Variants in CDH13 observed in about 807,000 individuals in gnomAD.
CDH13 encodes cadherin-13.
In CDH13, 24 loss-of-function variants were observed where a neutral mutation model predicts 63.8. The observed-to-expected ratio is 0.38, with a 90% CI of 0.27 to 0.53. CDH13 has a LOEUF of 0.53. CDH13 is among the 20% of genes least tolerant of loss of function. CDH13 has a pLI of 0.85. For missense variants in CDH13, 1,049 were observed against 903.1 expected, an observed-to-expected ratio of 1.16 and a Z score of -2.07; for synonymous variants, 503 against 355.3, an observed-to-expected ratio of 1.42 and a Z score of -4.67.
At chr16:83,384,629 C>A (rs1005628027) in intron 6 of CDH13, among the ~76,000 whole-genome samples, 14 of 152,160 alleles carry the variant, frequency 9.2e-5, no homozygotes, top group Admixed American at 6.5e-5. Flanking sequence ...CTGGCACTTG[C>A]ATGTGGGTCA....
chr16:83,003,026 A>C (rs1267446175), intron 2 of CDH13, among the ~76,000 whole-genome samples: 1 of 152,228 alleles, frequency 6.6e-6, no homozygotes, highest in East Asian at 1.9e-4. Flanking sequence ...GAAAACACTG[A>C]ATACTGGTCC....
intron 5 of CDH13, among the ~76,000 whole-genome samples, chr16:83,276,615 A>C (rs572944409): frequency 3.3e-5 from 5 of 152,272 alleles, no homozygotes; most frequent in Admixed American, 3.3e-4. Context: ...TCGCGCCTGT[A>C]ATCCCAGCAC....
intron 4 of CDH13, among the ~76,000 whole-genome samples, chr16:83,179,612 A>G (rs1420471613): frequency 6.6e-6 from 1 of 151,644 alleles, no homozygotes; most frequent in Non-Finnish European, 1.5e-5. Flanking sequence ...AGATCACGCC[A>G]CGGCACTCCA....
In CDH13 at chr16:82,937,924, C is replaced by T. The variant is rs576143252; in HGVS notation, c.157+79451C>T. 9.9e-5 allele frequency among the ~76,000 whole-genome samples: 15 copies of T among 152,194 alleles called. 1 individual carries two copies. In the East Asian group the frequency reaches 2.9e-3, roughly 29 times the overall value. The stretch of plus-strand genomic sequence containing the variant: ...TTTAAAGACGTATAATATAAAAGGA[C>T]AGTAATTGGATATAGTTATTCAAAT... On this transcript the variant is annotated intron_variant, in intron 2 of 13. Transcript: ENST00000567109.
At chr16:83,251,493 G>A (rs1406861541) in intron 5 of CDH13, among the ~76,000 whole-genome samples, 1 of 152,156 alleles carries the variant, frequency 6.6e-6, no homozygotes, top group Non-Finnish European at 1.5e-5. Context: ...TGTCTCCAAA[G>A]CTGAGATTCC....
chr16:83,769,541 G>A (rs1314723435), intron 11 of CDH13, among the ~76,000 whole-genome samples: 2 of 152,170 alleles, frequency 1.3e-5, no homozygotes, highest in Non-Finnish European at 2.9e-5. Flanking sequence ...ATGTTTATAA[G>A]GTTAAAGGGG....
At chr16:83,345,322 A>G (rs1450306715) in intron 6 of CDH13, among the ~76,000 whole-genome samples, 1 of 152,202 alleles carries the variant, frequency 6.6e-6, no homozygotes, top group African/African-American at 2.4e-5. Context: ...GTCCAAGGCT[A>G]AACTTTGTGC....
intron 10 of CDH13, among the ~76,000 whole-genome samples, chr16:83,734,221 G>T (rs367861543): frequency 1.3e-4 from 20 of 152,174 alleles, no homozygotes; most frequent in African/African-American, 4.3e-4. Context: ...ATATGTATTT[G>T]GTTAAGATGT....
At chr16:83,146,054 A>G (rs554318253) in intron 4 of CDH13, among the ~76,000 whole-genome samples, 1 of 152,164 alleles carries the variant, frequency 6.6e-6, no homozygotes, top group African/African-American at 2.4e-5. Flanking sequence ...AATTAGCCAG[A>G]CATGGTGGCA....
At chr16:83,591,593 TC>T (rs1906759126) in intron 7 of CDH13, among the ~76,000 whole-genome samples, 1 of 152,144 alleles carries the variant, frequency 6.6e-6, no homozygotes. Flanking sequence ...GCCTGATGTC[TC>T]CACTCTTATT....
At chr16:82,781,810 C>G (rs1379279250) in intron 1 of CDH13, among the ~76,000 whole-genome samples, 1 of 152,224 alleles carries the variant, frequency 6.6e-6, no homozygotes. Flanking sequence ...AGTCGCAGTT[C>G]TGTCCTTAAA....
intron 2 of CDH13, among the ~76,000 whole-genome samples, chr16:83,018,599 C>A (rs555698228): frequency 3.3e-5 from 5 of 152,182 alleles, no homozygotes; most frequent in Admixed American, 2.6e-4. Context: ...TTGCTTTAGG[C>A]CCCTCCAGTA....
chr16:83,695,052 C>T (rs1404678413), intron 10 of CDH13, among the ~76,000 whole-genome samples: 2 of 151,962 alleles, frequency 1.3e-5, no homozygotes, highest in African/African-American at 2.4e-5. Flanking sequence ...ATTAAAAATA[C>T]AAAAATTAGC....
chr16:83,435,833 C>T (rs114171138), intron 6 of CDH13, among the ~76,000 whole-genome samples: 1,779 of 152,278 alleles, frequency 0.012, 46 homozygotes, highest in African/African-American at 0.04. Flanking sequence ...CTGTCTGTCT[C>T]CCTCATTGTA....
chr16:83,779,904 G>C, intron 11 of CDH13, 64 bp from the exon 12 acceptor site: 2 of 1,058,322 alleles, frequency 1.9e-6, no homozygotes, highest in East Asian at 2.5e-5. Flanking sequence ...AATGCAAAAA[G>C]TGCTATGGTA....
At chr16:83,393,058 T>C (rs1285103936) in intron 6 of CDH13, among the ~76,000 whole-genome samples, 1 of 152,084 alleles carries the variant, frequency 6.6e-6, no homozygotes, top group Non-Finnish European at 1.5e-5. Flanking sequence ...GACAGTTCCC[T>C]GCCAGAATAA....
At chr16:82,984,601 T>A (rs1202700274) in intron 2 of CDH13, among the ~76,000 whole-genome samples, 1 of 152,222 alleles carries the variant, frequency 6.6e-6, no homozygotes, top group South Asian at 2.1e-4. Flanking sequence ...TTTCAACTCA[T>A]GTATTAGCTC....
chr16:83,667,119 GGA>G (rs1428093405), intron 8 of CDH13, among the ~76,000 whole-genome samples: 6 of 151,620 alleles, frequency 4.0e-5, no homozygotes, highest in African/African-American at 9.7e-5. Context: ...ATGGATGGAT[GGA>G]TGGATGGATA....
At chr16:83,038,105 C>T (rs1041866170) in intron 3 of CDH13, among the ~76,000 whole-genome samples, 2 of 152,098 alleles carry the variant, frequency 1.3e-5, no homozygotes, top group African/African-American at 2.4e-5. Context: ...AAAACAGGGG[C>T]GATTTCACAC....
Sources: allele counts gnomAD v4.1 joint callset (sites outside exome capture counted in the v4.1 genomes callset), GRCh38; gene constraint gnomAD v4.1.1; transcripts MANE v1.5; gene names NCBI Gene and HGNC (gene_info 2026-07-23, HGNC 2026-07-21).